The following ZNF562 variants were observed in gnomAD, a reference collection of about 807,000 sequenced individuals.
ZNF562 encodes the protein zinc finger protein 562.
ZNF562 carries 13 observed loss-of-function variants against 17.5 expected under a neutral mutation model. The observed-to-expected ratio is 0.74, with a 90% CI of 0.48 to 1.18. The LOEUF (loss-of-function observed/expected upper bound fraction) is 1.18, where lower values mean the gene tolerates loss of function less well. Among genes scored for constraint, ZNF562 ranks in the 50% most tolerant of loss-of-function variants. The pLI is 0.00. For missense variants in ZNF562, 481 were observed against 498.5 expected (o/e 0.96, Z 0.33); for synonymous variants, 163 against 165.4 (o/e 0.99, Z 0.11).
chr19:9,660,951 G>A (rs1599294280), intron 1 of ZNF562, 77 bp from the exon 2 acceptor site: 4 of 454,190 alleles, frequency 8.8e-6, no homozygotes, highest in Admixed American at 7.6e-5. Flanking sequence ...CTCTCTGCAG[G>A]TGACAGATGT....
chr19:9,671,197 G>C lies in ZNF562; in HGVS notation c.-131+3818C>G, dbSNP rs574792967. ...AGGTGACAGGTATGCTACTTACCCT[G>C]ATTATGTGAATGTATCAAATTATCA... On this transcript the variant is annotated intron_variant, in intron 1 of 5. Coordinates refer to ENST00000453372, the MANE Select transcript of ZNF562 (RefSeq NM_001130031.2). Among the ~76,000 whole-genome samples, 3 of 152,234 alleles carry C rather than the reference G, an allele frequency of 2.0e-5. No homozygotes were observed. The South Asian group carries it at 6.2e-4, about 32-fold the overall frequency.
Position 9,653,055 on chromosome 19 carries a change from C to A in ZNF562, c.1175G>T (p.Arg392Ile). 1.2e-6 allele frequency: 2 copies of A among 1,603,492 alleles called. No homozygotes were observed. Among genetic ancestry groups the A allele is most frequent in the Non-Finnish European group, 1.7e-6 (2 of 1,174,822 alleles). Reference sequence around the variant, plus strand: ...ATAAGGCTTCTCTCCTGTGTGAATTCTTCTATGTTGAGTAAGCGTTGAAGA... The same window carrying A: ...ATAAGGCTTCTCTCCTGTGTGAATTATTCTATGTTGAGTAAGCGTTGAAGA... ...NRSSTLTQHR[R>I]IHTGEKPYEC... The change falls in exon 6 of 6, where the codon AGA becomes ATA. Residue 392 changes from arginine (R) to isoleucine (I), a missense_variant. Arg to Ile is a moderately conservative substitution (Grantham distance 97). Coordinates refer to ENST00000453372, the MANE Select transcript of ZNF562 (RefSeq NM_001130031.2).
chr19:9,656,422 T>A, intron 5 of ZNF562, 125 bp downstream of exon 5: 1 of 969,786 alleles, frequency 1.0e-6, no homozygotes. Flanking sequence ...GGCAAGAGAA[T>A]CGCTTGAACC....
chr19:9,653,794 C>G lies in ZNF562; in HGVS notation c.436G>C (p.Ala146Pro). ...TCAAAAGTGTTCCCTCCATTCTGAG[C>G]TCTCATGTGTGTCTTAAGGCAAAAC... ...EQFCLKTHMR[A>P]QNGGNTFEGN... The change falls in exon 6 of 6, where the codon GCT (alanine) becomes CCT (proline). Residue 146 changes from alanine to proline, a missense_variant. By Grantham distance (27) the Ala-to-Pro change is conservative. Around this residue, in one of 2 missense-constraint regions of ZNF562, gnomAD observed 403 missense variants for 386.4 expected, o/e 1.04. Transcript: ENST00000453372. 4 of 1,613,938 alleles carry G rather than the reference C, an allele frequency of 2.5e-6. No individual in the cohort carries two copies. Among genetic ancestry groups the G allele is most frequent in the East Asian group, 2.2e-5 (1 of 44,860 alleles).
At chr19:9,655,717 C>CTTTCTTTTTTTTTT (rs2043447309) in intron 5 of ZNF562, among the ~76,000 whole-genome samples, 2 of 48,676 alleles carry the variant, frequency 4.1e-5, no homozygotes, top group African/African-American at 1.6e-4. Context: ...TCTTTTCTTT[C>CTTTCTTTTTTTTTT]TTTTTTTTTT....
At chr19:9,658,437 C>T (rs927918546) in intron 3 of ZNF562, 6 of 673,712 alleles carry the variant, frequency 8.9e-6, no homozygotes, top group Non-Finnish European at 1.1e-5. Flanking sequence ...GCAACCTCCA[C>T]CTCCTAAGTT....
chr19:9,658,724 A>T (rs1214856746), intron 3 of ZNF562, among the ~76,000 whole-genome samples: 1 of 151,786 alleles, frequency 6.6e-6, no homozygotes, highest in East Asian at 1.9e-4. Flanking sequence ...AATTTTTTTT[A>T]ATTTTAATTT....
rs1210024816 is a variant in ZNF562, at chr19:9,658,804, CTTTT to C, written c.114+571_114+574del. ...GCATCTATCTATCTATCTATCCAAT[CTTTT>C]TATTTATTTATATATAAAGACAGGG... On this transcript the variant is annotated intron_variant, in intron 3 of 5. Coordinates refer to ENST00000453372, the MANE Select transcript of ZNF562 (RefSeq NM_001130031.2). Among the ~76,000 whole-genome samples the C allele has an allele frequency of 2.0e-5, 3 of 151,700 alleles. No individual in the cohort carries two copies. In the East Asian group the frequency reaches 5.8e-4, roughly 29 times the overall value.
Position 9,643,571 on chromosome 19 carries a change from TC to T in ZNF562, c.*9377del, listed in dbSNP as rs2144937286. On this transcript the variant is annotated 3_prime_UTR_variant, in exon 6 of 6. Coordinates refer to ENST00000453372, the MANE Select transcript of ZNF562 (RefSeq NM_001130031.2). ...TTTGCTAATCCGTTCCTTCCTAGCT[TC>T]CTTTTTTCCTTCTTTTTTTTTTTTT... The T allele has an allele frequency of 6.6e-6, 1 of 151,510 alleles. No individual in the cohort carries two copies. The highest frequency in any genetic ancestry group is 2.4e-5 in the African/African-American group (1 of 41,278). 9.4% of individuals were successfully genotyped at this position (151,510 alleles called of 1,614,324 possible).
At chr19:9,659,125 T>C (rs1232194583) in intron 3 of ZNF562, among the ~76,000 whole-genome samples, 1 of 152,210 alleles carries the variant, frequency 6.6e-6, no homozygotes, top group Non-Finnish European at 1.5e-5. Context: ...CACCCAGCAA[T>C]GTAAGAAAGA....
At chr19:9,667,163 T>A (rs2043984249) in intron 1 of ZNF562, among the ~76,000 whole-genome samples, 1 of 152,136 alleles carries the variant, frequency 6.6e-6, no homozygotes, top group Admixed American at 6.6e-5. Flanking sequence ...AAGAAAATCA[T>A]TCATCACAAT....
rs1444935921 is a variant in ZNF562 at position 9,656,621 on chromosome 19, T to C, written c.274A>G (p.Ile92Val). 6.8e-6 allele frequency: 11 copies of C among 1,614,118 alleles called. No individual in the cohort carries two copies. In the South Asian group the frequency reaches 1.2e-4, roughly 18 times the overall value. ...FFFCLTSEWE[I>V]QPRTKRSSLQ... ...GATGACCGTTTGGTTCTAGGTTGTA[T>C]TTCCCATTCTGAAGTTAAGCAGAAA... The change falls in exon 5 of 6, where the codon ATA (isoleucine) becomes GTA (valine). Residue 92 changes from isoleucine to valine, a missense_variant. Around this residue, in one of 2 missense-constraint regions of ZNF562, gnomAD observed 403 missense variants for 386.4 expected, o/e 1.04. Coordinates refer to ENST00000453372, the MANE Select transcript of ZNF562 (RefSeq NM_001130031.2).
intron 3 of ZNF562, 122 bp from the exon 4 acceptor site, chr19:9,658,257 C>T: frequency 2.9e-6 from 4 of 1,377,358 alleles, no homozygotes; most frequent in Non-Finnish European, 3.8e-6. Context: ...CCATGATCTA[C>T]TCCAGGGTTT....
At position 9,653,646 on chromosome 19, in the gene ZNF562, A is replaced by G; in HGVS notation, c.584T>C (p.Leu195Pro). Residue 195 changes from leucine (L) to proline (P), a missense_variant, in exon 6 of 6, where the codon CTT (leucine) becomes CCT (proline). By Grantham distance (98) the Leu-to-Pro change is moderately conservative (BLOSUM62 -3). Around this residue, in one of 2 missense-constraint regions of ZNF562, gnomAD observed 403 missense variants for 386.4 expected, o/e 1.04. Coordinates refer to ENST00000453372, the MANE Select transcript of ZNF562 (RefSeq NM_001130031.2). ...GGGTTGTCTTCCATTGAGAATTTCA[A>G]GATGCACAGCAAGGCCTGGAGTTAA... is the stretch of plus-strand genomic sequence containing the variant. ...FTLTPGLAVHLEILNGRQPYK... is the reference protein window; with the variant it reads ...FTLTPGLAVHPEILNGRQPYK... 1.2e-6 allele frequency: 2 copies of G among 1,614,056 alleles called. No homozygotes were observed. Among genetic ancestry groups the G allele is most frequent in the African/African-American group, 2.7e-5 (2 of 75,068 alleles).
rs1473673442 is a variant in ZNF562, at chr19:9,649,074, A to G, written c.*3875T>C. On this transcript the variant is annotated 3_prime_UTR_variant, in exon 6 of 6. Coordinates refer to ENST00000453372, the MANE Select transcript of ZNF562 (RefSeq NM_001130031.2). ...GAAAAACATGGATTGTGAAGGTTTC[A>G]TGGACATTTATTAGTTCCCCAAATT... is the stretch of plus-strand genomic sequence containing the variant. 1 of 152,254 alleles carries G rather than the reference A, an allele frequency of 6.6e-6. No individual in the cohort carries two copies. The highest frequency in any genetic ancestry group is 1.9e-4 in the East Asian group (1 of 5,202). 9.4% of individuals were successfully genotyped at this position (152,254 alleles called of 1,614,324 possible).
chr19:9,655,055 A>G (rs1218578208), intron 5 of ZNF562, among the ~76,000 whole-genome samples: 2 of 152,100 alleles, frequency 1.3e-5, no homozygotes, highest in Non-Finnish European at 1.5e-5. Flanking sequence ...CCATGGCACA[A>G]TCACAGCTCA....
intron 1 of ZNF562, among the ~76,000 whole-genome samples, chr19:9,666,549 C>T (rs529371848): frequency 1.3e-5 from 2 of 151,464 alleles, no homozygotes; most frequent in Admixed American, 6.6e-5. Context: ...AGAATAAAGA[C>T]CAGAGCCAAA....
rs1227619565 is a variant in ZNF562 at position 9,651,481 on chromosome 19, A to C, written c.*1468T>G. 1 of 152,226 alleles carries C rather than the reference A, an allele frequency of 6.6e-6. No homozygotes were observed. The highest frequency in any genetic ancestry group is 2.4e-5 in the African/African-American group (1 of 41,464). The allele number at this position is 152,226 out of a possible 1,614,324, so 9.4% of individuals were successfully genotyped here. A position where few individuals can be genotyped will look rare whatever the true frequency, so the allele number is the denominator to read the frequency against. On this transcript the variant is annotated 3_prime_UTR_variant, in exon 6 of 6. Transcript: ENST00000453372. ...CCCCCAAATCTGGCCATAAACAGGC[A>C]ATGAGAAACTGGCCATAAACAAAAT...
At chr19:9,667,852 C>G (rs1330907475) in intron 1 of ZNF562, among the ~76,000 whole-genome samples, 1 of 151,996 alleles carries the variant, frequency 6.6e-6, no homozygotes, top group African/African-American at 2.4e-5. Context: ...GCTTTGGCCT[C>G]CTAAAGTGCT....
Sources: gnomAD v4.1 joint callset for allele counts (sites outside exome capture counted in the v4.1 genomes callset) on GRCh38, gnomAD v4.1.1 for gene constraint, gnomAD v4.1.1 regional missense constraint, MANE v1.5 for transcripts, NCBI Gene and HGNC (gene_info 2026-07-23, HGNC 2026-07-21) for gene names.